Variants in SPATS2L observed in about 807,000 individuals in gnomAD.
SPATS2L encodes spermatogenesis associated serine rich 2 like.
Under a neutral mutation model 59.6 loss-of-function variants are expected in SPATS2L, and 30 were observed. The ratio of observed to expected loss-of-function variants is 0.50; its 90% confidence interval spans 0.38 to 0.68. The LOEUF is 0.68. Ranked by LOEUF, SPATS2L falls within the 30% of genes least tolerant of loss-of-function variation. The pLI is 0.00. For synonymous variants in SPATS2L, 252 were observed against 263.5 expected (o/e 0.96, Z 0.42); for missense variants, 615 against 700.0 (o/e 0.88, Z 1.37).
chr2:200,420,131 T>C (rs958528449), intron 6 of SPATS2L, among the ~76,000 whole-genome samples: 1 of 152,204 alleles, frequency 6.6e-6, no homozygotes, highest in Non-Finnish European at 1.5e-5. Context: ...TTTATTACTC[T>C]TCAAAAGGCC....
chr2:200,464,085 A>C (rs1327235674), intron 9 of SPATS2L, among the ~76,000 whole-genome samples: 1 of 152,268 alleles, frequency 6.6e-6, no homozygotes, highest in African/African-American at 2.4e-5. Context: ...TAAGCTGTAC[A>C]GAATTGTCTT....
In SPATS2L at chr2:200,458,504, T is replaced by G. The variant is rs533859458; in HGVS notation, c.789-1265T>G. Among the ~76,000 whole-genome samples, 7 of 152,210 alleles carry G rather than the reference T, an allele frequency of 4.6e-5. No individual in the cohort carries two copies. The South Asian group carries it at 1.5e-3, about 32-fold the overall frequency. The stretch of plus-strand genomic sequence containing the variant: ...CAGATTTCTACATCTAATAACAAAT[T>G]TATAGGAAATACAAAAGAACAGGCT... On this transcript the variant is annotated intron_variant, in intron 8 of 12. Coordinates refer to ENST00000409140, the MANE Select transcript of SPATS2L (RefSeq NM_001100423.2).
rs572158081 is a variant in SPATS2L, at chr2:200,465,905, G to A, written c.848-1385G>A. Among the ~76,000 whole-genome samples, 949 of 152,254 alleles carry A rather than the reference G, an allele frequency of 6.2e-3. 7 individuals carry two copies. The highest frequency in any genetic ancestry group is 0.011 in the Non-Finnish European group (728 of 68,010). On this transcript the variant is annotated intron_variant, in intron 9 of 12. Coordinates refer to ENST00000409140, the MANE Select transcript of SPATS2L (RefSeq NM_001100423.2). ...AAATTAGCCAGGCATGGTGGCGGGC[G>A]CCTGTAGTCCCAGCTACCCAGGAGG...
At chr2:200,365,811 G>A (rs1574503238) in intron 2 of SPATS2L, among the ~76,000 whole-genome samples, 1 of 152,034 alleles carries the variant, frequency 6.6e-6, no homozygotes, top group Admixed American at 6.6e-5. Flanking sequence ...CCCTAGAATG[G>A]CTTGTATTGT....
At position 200,477,886 on chromosome 2, in the gene SPATS2L, G is replaced by A. The variant is rs776891429; in HGVS notation, c.1532G>A (p.Arg511Lys). The A allele has an allele frequency of 1.1e-5, 17 of 1,609,772 alleles. No homozygotes were observed. The highest frequency in any genetic ancestry group is 1.4e-5 in the Non-Finnish European group (17 of 1,178,128). ...APAHSEKPRR[R>K]QHAADTSEAR... ...GCCCATTCTGAAAAGCCCCGGCGAA[G>A]GCAGCACGCTGCAGACACCTCGGAG... is the stretch of plus-strand genomic sequence containing the variant. Residue 511 changes from arginine (R) to lysine (K), a missense_variant, in exon 13 of 13, where the codon AGG becomes AAG. This residue lies in a region of SPATS2L where 284 missense variants were observed against 280.1 expected (regional missense o/e 1.01). Coordinates refer to ENST00000409140, the MANE Select transcript of SPATS2L (RefSeq NM_001100423.2).
chr2:200,344,178 A>C (rs1186228750), intron 2 of SPATS2L, among the ~76,000 whole-genome samples: 1 of 152,064 alleles, frequency 6.6e-6, no homozygotes, highest in African/African-American at 2.4e-5. Context: ...TCCAGGTACT[A>C]AGCCTAGTAT....
chr2:200,342,589 A>G (rs1163748798), intron 2 of SPATS2L, among the ~76,000 whole-genome samples: 1 of 152,198 alleles, frequency 6.6e-6, no homozygotes, highest in Non-Finnish European at 1.5e-5. Flanking sequence ...TTACAGTCCC[A>G]TGGGGGAAGT....
intron 10 of SPATS2L, among the ~76,000 whole-genome samples, chr2:200,468,688 T>C (rs867009981): frequency 6.6e-6 from 1 of 152,048 alleles, no homozygotes; most frequent in Non-Finnish European, 1.5e-5. Flanking sequence ...GCCTACACTG[T>C]CTCCCTTCAG....
chr2:200,365,981 G>A (rs920623697), intron 2 of SPATS2L, among the ~76,000 whole-genome samples: 3 of 152,174 alleles, frequency 2.0e-5, no homozygotes, highest in African/African-American at 7.2e-5. Flanking sequence ...AAGAATGGTA[G>A]ACCTGTGTTT....
chr2:200,477,353 T>C (rs1005786695), intron 12 of SPATS2L, among the ~76,000 whole-genome samples: 5 of 152,124 alleles, frequency 3.3e-5, no homozygotes, highest in Admixed American at 1.3e-4. Context: ...TTTATGAATT[T>C]TATTTGACCC....
At chr2:200,364,934 C>CTTTGT (rs751289648) in intron 2 of SPATS2L, among the ~76,000 whole-genome samples, 23 of 152,118 alleles carry the variant, frequency 1.5e-4, no homozygotes, top group Admixed American at 2.6e-4. Context: ...CTTATTTTTG[C>CTTTGT]TTTGTTTTGT....
intron 2 of SPATS2L, among the ~76,000 whole-genome samples, chr2:200,382,735 G>A (rs1266772225): frequency 6.6e-6 from 1 of 151,970 alleles, no homozygotes; most frequent in Non-Finnish European, 1.5e-5. Flanking sequence ...GTAAAAATGG[G>A]GATAATCTTA....
intron 6 of SPATS2L, among the ~76,000 whole-genome samples, chr2:200,431,057 C>A (rs2083898928): frequency 6.6e-6 from 1 of 152,058 alleles, no homozygotes; most frequent in Non-Finnish European, 1.5e-5. Flanking sequence ...TAGTGAACAT[C>A]TCTTGTATAT....
At chr2:200,351,899 A>G (rs1266534070) in intron 2 of SPATS2L, among the ~76,000 whole-genome samples, 2 of 152,084 alleles carry the variant, frequency 1.3e-5, no homozygotes, top group African/African-American at 2.4e-5. Flanking sequence ...CTATCTTGTC[A>G]ATCTGTTTGA....
At chr2:200,458,107 A>C (rs1373170590) in intron 8 of SPATS2L, among the ~76,000 whole-genome samples, 1 of 152,232 alleles carries the variant, frequency 6.6e-6, no homozygotes, top group Non-Finnish European at 1.5e-5. Context: ...TGAAAACAAA[A>C]GGGGAGAATC....
chr2:200,461,732 A>C (rs1011500340), intron 9 of SPATS2L, among the ~76,000 whole-genome samples: 4 of 152,326 alleles, frequency 2.6e-5, no homozygotes, highest in South Asian at 4.1e-4. Flanking sequence ...CTTTTGCCAG[A>C]ATGAAAGATC....
intron 2 of SPATS2L, 97 bp downstream of exon 2, chr2:200,329,577 G>A: frequency 9.9e-7 from 1 of 1,009,818 alleles, no homozygotes; most frequent in South Asian, 1.4e-5. Flanking sequence ...CCTTGTCACA[G>A]CCTTTGGCCG....
intron 2 of SPATS2L, among the ~76,000 whole-genome samples, chr2:200,334,106 T>G: frequency 6.6e-6 from 1 of 152,256 alleles, no homozygotes; most frequent in Non-Finnish European, 1.5e-5. Context: ...TGAACTAGTT[T>G]ATAGTCCCAC....
At chr2:200,306,568 G>A, upstream of SPATS2L, 2 of 1,002,254 alleles carry the variant, frequency 2.0e-6, no homozygotes, top group Non-Finnish European at 2.4e-6. Context: ...TTGCGAGCGG[G>A]AGCGAGGGGC....
Sources: allele counts gnomAD v4.1 joint callset (sites outside exome capture counted in the v4.1 genomes callset), GRCh38; gene constraint gnomAD v4.1.1; regional missense constraint gnomAD v4.1.1; transcripts MANE v1.5; gene names NCBI Gene and HGNC (gene_info 2026-07-23, HGNC 2026-07-21).